MICU1: variants seen among roughly 807,000 people sequenced by gnomAD.
MICU1 encodes calcium uptake protein 1, mitochondrial.
A neutral mutation model predicts 56.8 loss-of-function variants in MICU1; 45 were observed. That is an observed-to-expected ratio of 0.79 (90% CI 0.62 to 1.02). The LOEUF (loss-of-function observed/expected upper bound fraction) is 1.02, where lower values mean the gene tolerates loss of function less well. Among genes scored for constraint, MICU1 ranks in the 50% least tolerant of loss-of-function variants. The pLI is 0.00. For synonymous variants in MICU1, 186 were observed against 195.1 expected (o/e 0.95, Z 0.39); for missense variants, 504 against 587.1 (o/e 0.86, Z 1.46).
At chr10:72,555,768 C>T (rs1360983117) in intron 3 of MICU1, among the ~76,000 whole-genome samples, 1 of 152,210 alleles carries the variant, frequency 6.6e-6, no homozygotes, top group Non-Finnish European at 1.5e-5. Context: ...GTCCATATCA[C>T]CACCACAGGC....
intron 5 of MICU1, among the ~76,000 whole-genome samples, chr10:72,514,379 G>A (rs1044064270): frequency 1.3e-5 from 2 of 150,724 alleles, no homozygotes; most frequent in Non-Finnish European, 3.0e-5. Flanking sequence ...GTAATTTATT[G>A]TTTCTATGTA....
chr10:72,617,190 A>G (rs1842002997), intron 1 of MICU1, among the ~76,000 whole-genome samples: 1 of 152,014 alleles, frequency 6.6e-6, no homozygotes, highest in Non-Finnish European at 1.5e-5. Context: ...TTTTAAGGCA[A>G]CTCAAATATT....
chr10:72,368,892 G>A (rs2132024844), intron 11 of MICU1, among the ~76,000 whole-genome samples: 1 of 152,260 alleles, frequency 6.6e-6, no homozygotes, highest in Middle Eastern at 3.4e-3. Context: ...ATGAGTACAG[G>A]CAGGATACAG....
Position 72,610,569 on chromosome 10 carries a change from G to T in MICU1, c.-2+15441C>A, listed in dbSNP as rs185668204. On this transcript the variant is annotated intron_variant, in intron 1 of 11. Coordinates refer to ENST00000361114, the MANE Select transcript of MICU1 (RefSeq NM_001195518.2). ...TAGTGGGCCAGGGAAGGTAGTACTG[G>T]AATTACCAGAACTCAGTCAACTGTA... Among the ~76,000 whole-genome samples the T allele has an allele frequency of 1.0e-3, 157 of 152,270 alleles. 1 individual carries two copies. The highest frequency in any genetic ancestry group is 0.01 in the Middle Eastern group (3 of 294).
At chr10:72,408,156 T>G (rs1018123545) in intron 9 of MICU1, 119 bp from the exon 10 acceptor site, 9 of 622,040 alleles carry the variant, frequency 1.4e-5, no homozygotes, top group Non-Finnish European at 2.3e-5. Context: ...GAACAGAAAC[T>G]GAATACATTA....
chr10:72,585,636 G>A (rs1405058327), intron 1 of MICU1, among the ~76,000 whole-genome samples: 2 of 151,094 alleles, frequency 1.3e-5, no homozygotes, highest in African/African-American at 2.4e-5. Flanking sequence ...TCCAGCCTGG[G>A]CGACAGAGCA....
chr10:72,548,625 G>A (rs1839953920), intron 4 of MICU1, among the ~76,000 whole-genome samples: 1 of 152,204 alleles, frequency 6.6e-6, no homozygotes, highest in South Asian at 2.1e-4. Context: ...GCTAAGTGAT[G>A]TAAACATATG....
At chr10:72,551,984 A>G (rs961417802) in intron 3 of MICU1, among the ~76,000 whole-genome samples, 7 of 152,128 alleles carry the variant, frequency 4.6e-5, no homozygotes, top group Non-Finnish European at 1.0e-4. Context: ...TTCTACTTCT[A>G]TGTAATTTCC....
chr10:72,587,613 TACA>T (rs917013414), intron 1 of MICU1, among the ~76,000 whole-genome samples: 2 of 151,742 alleles, frequency 1.3e-5, no homozygotes, highest in Admixed American at 6.6e-5. Context: ...CTACTAAATA[TACA>T]ACGACAACAA....
Position 72,563,048 on chromosome 10 carries a change from A to T in MICU1, c.177T>A (p.Ser59=). 6.3e-7 allele frequency: 1 copy of T among 1,579,558 alleles called. No homozygotes were observed. The highest frequency in any genetic ancestry group is 1.4e-5 in the African/African-American group (1 of 73,352). Reference sequence around the variant, plus strand: ...TTTTTAGGTTGTCTACACATGGTGGAGATTCTGCATGGGCCCTGGATATGC... The same window carrying T: ...TTTTTAGGTTGTCTACACATGGTGGTGATTCTGCATGGGCCCTGGATATGC... ...GLLWKRAHAE[S]PPCVDNLKSD... is the part of the protein sequence containing the mutation. The change falls in exon 3 of 12, where the codon TCT becomes TCA. Residue 59 remains serine (S), a synonymous_variant. Coordinates refer to ENST00000361114, the MANE Select transcript of MICU1 (RefSeq NM_001195518.2).
At chr10:72,444,958 T>C (rs1016993456) in intron 8 of MICU1, among the ~76,000 whole-genome samples, 17 of 152,218 alleles carry the variant, frequency 1.1e-4, no homozygotes, top group African/African-American at 3.6e-4. Flanking sequence ...TTCATTAGAA[T>C]TGGTAATTAT....
chr10:72,402,275 C>G (rs1373620188), intron 10 of MICU1, among the ~76,000 whole-genome samples: 1 of 152,126 alleles, frequency 6.6e-6, no homozygotes, highest in African/African-American at 2.4e-5. Flanking sequence ...ACCCTGTCCC[C>G]GATTCCATGG....
At chr10:72,432,087 C>CTTTTTT (rs35109632) in intron 8 of MICU1, among the ~76,000 whole-genome samples, 5 of 120,522 alleles carry the variant, frequency 4.1e-5, no homozygotes, top group Non-Finnish European at 6.8e-5. Context: ...AATGTATTGC[C>CTTTTTT]TTTTTTTTTT....
At chr10:72,513,137 T>G (rs915859084) in intron 5 of MICU1, among the ~76,000 whole-genome samples, 10 of 152,180 alleles carry the variant, frequency 6.6e-5, no homozygotes, top group Admixed American at 1.3e-4. Context: ...CCTCCCAAAG[T>G]ACTGCGATTA....
At chr10:72,548,697 A>ATC (rs1427153997) in intron 4 of MICU1, among the ~76,000 whole-genome samples, 1 of 151,946 alleles carries the variant, frequency 6.6e-6, no homozygotes, top group African/African-American at 2.4e-5. Flanking sequence ...TTGTATTTCT[A>ATC]TCTCTCTCTC....
intron 10 of MICU1, among the ~76,000 whole-genome samples, chr10:72,392,821 G>A (rs1481687597): frequency 2.6e-5 from 4 of 152,246 alleles, no homozygotes; most frequent in East Asian, 1.9e-4. Flanking sequence ...TCACTAGTCC[G>A]GGTCAGGAGG....
rs553176949 is a variant in MICU1, at chr10:72,532,617, G to C, written c.537+1129C>G. Among the ~76,000 whole-genome samples, 4 of 152,258 alleles carry C rather than the reference G, an allele frequency of 2.6e-5. No individual in the cohort carries two copies. The East Asian group carries it at 7.7e-4, about 29-fold the overall frequency. On this transcript the variant is annotated intron_variant, in intron 5 of 11. Transcript: ENST00000361114. ...CAGAGACACCAAGGATCAGAGAAAA[G>C]ATGAAGCTGTCCCAAAGCAGAGTTA...
chr10:72,376,890 A>T (rs1472127696), intron 10 of MICU1, among the ~76,000 whole-genome samples: 2 of 150,928 alleles, frequency 1.3e-5, no homozygotes, highest in Non-Finnish European at 3.0e-5. Context: ...TTATATTTAT[A>T]TATATATTTA....
chr10:72,583,608 T>C (rs7909573), intron 1 of MICU1, among the ~76,000 whole-genome samples: 85,596 of 151,968 alleles, frequency 0.56, 25,474 homozygotes, highest in Non-Finnish European at 0.67. Context: ...CCTCTAACAT[T>C]TTATTGCTAG....
Sources: allele counts gnomAD v4.1 joint callset (sites outside exome capture counted in the v4.1 genomes callset), GRCh38; gene constraint gnomAD v4.1.1; transcripts MANE v1.5; gene names NCBI Gene and HGNC (gene_info 2026-07-23, HGNC 2026-07-21).